The following TBC1D8 variants were observed in gnomAD, a reference collection of about 807,000 sequenced individuals.
TBC1D8 encodes the protein BUB2-like protein 1.
TBC1D8 carries 65 observed loss-of-function variants against 118.8 expected under a neutral mutation model. That is an observed-to-expected ratio of 0.55 (90% confidence interval 0.45 to 0.67). The LOEUF (loss-of-function observed/expected upper bound fraction) is 0.67. Among genes scored for constraint, TBC1D8 ranks in the 30% least tolerant of loss-of-function variants. The pLI is 0.00. For synonymous variants in TBC1D8, 566 were observed against 595.8 expected, an observed-to-expected ratio of 0.95 and a Z score of 0.73; for missense variants, 1,376 against 1,471.2, an observed-to-expected ratio of 0.94 and a Z score of 1.06.
chr2:101,073,300 A>ATTTAT (rs1558676363), intron 2 of TBC1D8, among the ~76,000 whole-genome samples: 155 of 143,706 alleles, frequency 1.1e-3, no homozygotes, highest in East Asian at 3.6e-3. Flanking sequence ...TATTTTATTT[A>ATTTAT]TTTTTTTTTT....
intron 1 of TBC1D8, among the ~76,000 whole-genome samples, chr2:101,140,485 C>T (rs1014934654): frequency 2.6e-5 from 4 of 152,162 alleles, no homozygotes; most frequent in African/African-American, 9.7e-5. Context: ...GGGGACACAG[C>T]TTCAATGACT....
intron 1 of TBC1D8, among the ~76,000 whole-genome samples, chr2:101,095,186 A>G (rs961571665): frequency 6.6e-6 from 1 of 152,124 alleles, no homozygotes; most frequent in Non-Finnish European, 1.5e-5. Flanking sequence ...AAAAGTAATC[A>G]TTGTTCAATA....
At chr2:101,078,733 A>G (rs1209618869) in intron 2 of TBC1D8, among the ~76,000 whole-genome samples, 1 of 148,414 alleles carries the variant, frequency 6.7e-6, no homozygotes, top group Admixed American at 6.9e-5. Context: ...AAAAGGAAAG[A>G]AAAGAAAAAC....
chr2:101,066,289 A>C (rs1431494542), intron 2 of TBC1D8, among the ~76,000 whole-genome samples: 1 of 152,036 alleles, frequency 6.6e-6, no homozygotes, highest in Non-Finnish European at 1.5e-5. Context: ...ATCTCAAAAA[A>C]ATAAAATAAA....
At chr2:101,065,531 T>G (rs962450365) in intron 2 of TBC1D8, among the ~76,000 whole-genome samples, 1 of 152,250 alleles carries the variant, frequency 6.6e-6, no homozygotes, top group Non-Finnish European at 1.5e-5. Flanking sequence ...ATTCTTCAAG[T>G]GGATACTGTA....
At chr2:101,017,831 G>A in intron 17 of TBC1D8, 1 of 1,550,144 alleles carries the variant, frequency 6.5e-7, no homozygotes, top group Non-Finnish European at 8.7e-7. Flanking sequence ...TACTAACAGT[G>A]AAGCAGCTAC....
chr2:101,093,706 C>T (rs1032584772), intron 1 of TBC1D8, among the ~76,000 whole-genome samples: 1 of 151,844 alleles, frequency 6.6e-6, no homozygotes, highest in Non-Finnish European at 1.5e-5. Context: ...CAGAGCAAGA[C>T]TCCATCTCAG....
At chr2:101,134,457 A>C (rs926458537) in intron 1 of TBC1D8, among the ~76,000 whole-genome samples, 1 of 152,230 alleles carries the variant, frequency 6.6e-6, no homozygotes, top group African/African-American at 2.4e-5. Context: ...AAAATACCAC[A>C]GACTGAGTGG....
intron 1 of TBC1D8, among the ~76,000 whole-genome samples, chr2:101,107,122 A>T (rs1429602151): frequency 6.6e-6 from 1 of 152,346 alleles, no homozygotes; most frequent in African/African-American, 2.4e-5. Context: ...CGTGAGAGCC[A>T]GGTTTCTCAC....
At position 101,094,486 on chromosome 2, in the gene TBC1D8, C is replaced by CTT. The variant is rs1676262278; in HGVS notation, c.128-4124_128-4123dup. ...ATCCCACACCCCCACATGCTTGGCA[C>CTT]TTTCAACTACATTAAGAGATCTGCT... On this transcript the variant is annotated intron_variant, in intron 1 of 19. Transcript: ENST00000409318. Among the ~76,000 whole-genome samples the CTT allele has an allele frequency of 2.0e-5, 3 of 152,166 alleles. No individual in the cohort carries two copies. In the South Asian group the frequency reaches 6.2e-4, roughly 31 times the overall value.
At chr2:101,121,813 C>A (rs183269883) in intron 1 of TBC1D8, among the ~76,000 whole-genome samples, 184 of 152,294 alleles carry the variant, frequency 1.2e-3, no homozygotes, top group African/African-American at 4.0e-3. Flanking sequence ...CGCCTGTAAT[C>A]CCAGCACTTT....
chr2:101,052,546 G>A (rs1036768223), intron 4 of TBC1D8, among the ~76,000 whole-genome samples: 1 of 145,146 alleles, frequency 6.9e-6, no homozygotes, highest in Non-Finnish European at 1.5e-5. Flanking sequence ...GTGCAATCTC[G>A]GCTCACTGCA....
At chr2:101,110,001 C>T in intron 1 of TBC1D8, 2 of 985,464 alleles carry the variant, frequency 2.0e-6, no homozygotes, top group Non-Finnish European at 2.4e-6. Context: ...TCTGGCGCTA[C>T]AGGAAAATCC....
Position 101,068,588 on chromosome 2 carries a change from C to T in TBC1D8, c.284-9049G>A, listed in dbSNP as rs73943427. 719 of 554,938 alleles carry T rather than the reference C, an allele frequency of 1.3e-3. 4 individuals carry two copies. The highest frequency in any genetic ancestry group is 0.012 in the African/African-American group (633 of 51,990). The allele number at this position is 554,938 out of a possible 1,614,324, so 34.4% of individuals were successfully genotyped here. ...GACTCTGGTAAAATTAGAGAAAATG[C>T]ACCAAGCAGCACAGGATACAATTCG... On this transcript the variant is annotated intron_variant, in intron 2 of 19. Transcript: ENST00000409318.
chr2:101,150,794 GGGC>G (rs1022093722), intron 1 of TBC1D8, among the ~76,000 whole-genome samples: 22 of 152,264 alleles, frequency 1.4e-4, no homozygotes, highest in African/African-American at 5.1e-4. Flanking sequence ...CGCTGCTCCA[GGGC>G]GGCCCCGAGC....
intron 11 of TBC1D8, among the ~76,000 whole-genome samples, chr2:101,031,641 A>G (rs576152488): frequency 2.1e-4 from 32 of 152,310 alleles, no homozygotes; most frequent in Non-Finnish European, 4.3e-4. Context: ...TCTCAACCAC[A>G]TGAAAGTCAG....
chr2:101,128,062 G>A (rs1056225397), intron 1 of TBC1D8, among the ~76,000 whole-genome samples: 1 of 152,050 alleles, frequency 6.6e-6, no homozygotes, highest in African/African-American at 2.4e-5. Flanking sequence ...AAGGTCCAAG[G>A]TCATTCAGGT....
At chr2:101,017,307 T>C (rs938199897) in intron 17 of TBC1D8, among the ~76,000 whole-genome samples, 1 of 152,148 alleles carries the variant, frequency 6.6e-6, no homozygotes, top group Admixed American at 6.5e-5. Flanking sequence ...CATGCTAAAA[T>C]AATGATAAAT....
chr2:101,104,371 G>A (rs138165439), intron 1 of TBC1D8, among the ~76,000 whole-genome samples: 11 of 152,310 alleles, frequency 7.2e-5, no homozygotes, highest in East Asian at 1.9e-4. Flanking sequence ...TTCTAAAGTT[G>A]ATATAAAAAT....
Sources: gnomAD v4.1 joint callset for allele counts (sites outside exome capture counted in the v4.1 genomes callset) on GRCh38, gnomAD v4.1.1 for gene constraint, MANE v1.5 for transcripts, NCBI Gene and HGNC (gene_info 2026-07-23, HGNC 2026-07-21) for gene names.